Variants in DCC observed in about 807,000 individuals in gnomAD.
The protein encoded by DCC is netrin receptor DCC.
Under a neutral mutation model 172.5 loss-of-function variants are expected in DCC, and 58 were observed. The ratio of observed to expected loss-of-function variants is 0.34; its 90% CI spans 0.27 to 0.42. The LOEUF is 0.42. Among genes scored for constraint, DCC ranks in the 10% least tolerant of loss-of-function variants. DCC has a pLI of 1.00. For synonymous variants in DCC, 709 were observed against 644.5 expected, an observed-to-expected ratio of 1.10 and a Z score of -1.52; for missense variants, 1,740 against 1,791.0, an observed-to-expected ratio of 0.97 and a Z score of 0.51.
chr18:52,659,667 A>G (rs2035319434), intron 1 of DCC, among the ~76,000 whole-genome samples: 1 of 152,164 alleles, frequency 6.6e-6, no homozygotes, highest in South Asian at 2.1e-4. Flanking sequence ...ATTATGTTTC[A>G]CTTATGCTTT....
At chr18:52,584,226 G>T (rs1291875122) in intron 1 of DCC, among the ~76,000 whole-genome samples, 2 of 152,216 alleles carry the variant, frequency 1.3e-5, no homozygotes, top group East Asian at 1.9e-4. Flanking sequence ...GGACAAGGAA[G>T]AAGGAACGTG....
At chr18:52,763,812 A>C (rs566989876) in intron 2 of DCC, among the ~76,000 whole-genome samples, 5 of 152,278 alleles carry the variant, frequency 3.3e-5, no homozygotes, top group African/African-American at 1.2e-4. Flanking sequence ...AACATAAATG[A>C]GATTATCTGA....
chr18:53,090,788 A>G lies in DCC; in HGVS notation c.1261+24622A>G, dbSNP rs903776666. Among the ~76,000 whole-genome samples the G allele has an allele frequency of 2.0e-5, 3 of 149,622 alleles. No homozygotes were observed. The Admixed American group carries it at 2.0e-4, about 10-fold the overall frequency. On this transcript the variant is annotated intron_variant, in intron 7 of 28. Coordinates refer to ENST00000442544, the MANE Select transcript of DCC (RefSeq NM_005215.4). The stretch of plus-strand genomic sequence containing the variant: ...CTATCCTAAGCAGTTCAATTGAGTT[A>G]CAAAGCTTAATAATTTTTCAAAGTT...
chr18:52,916,014 C>G (rs1484840384), intron 3 of DCC, among the ~76,000 whole-genome samples: 1 of 151,556 alleles, frequency 6.6e-6, no homozygotes, highest in East Asian at 2.0e-4. Context: ...GAGTTTTTTA[C>G]CATGTTGGCT....
At chr18:53,062,932 C>A (rs530629381) in intron 5 of DCC, among the ~76,000 whole-genome samples, 20 of 152,236 alleles carry the variant, frequency 1.3e-4, no homozygotes, top group Middle Eastern at 3.4e-3. Context: ...CTCAGTTCCA[C>A]CAGCTTCCCT....
chr18:52,500,544 G>T (rs1198530958), intron 1 of DCC, among the ~76,000 whole-genome samples: 1 of 152,026 alleles, frequency 6.6e-6, no homozygotes, highest in African/African-American at 2.4e-5. Context: ...AATTATTTTG[G>T]CGCTAATAAG....
intron 5 of DCC, among the ~76,000 whole-genome samples, chr18:53,008,023 TA>T (rs1241851538): frequency 2.0e-5 from 3 of 152,154 alleles, no homozygotes; most frequent in African/African-American, 7.2e-5. Context: ...AGAGAGATTT[TA>T]CTATTCCAAG....
At chr18:52,906,820 G>T (rs2039890465) in intron 3 of DCC, among the ~76,000 whole-genome samples, 1 of 147,380 alleles carries the variant, frequency 6.8e-6, no homozygotes, top group Non-Finnish European at 1.5e-5. Context: ...TTAAAATTAG[G>T]CTGATCTTAT....
intron 2 of DCC, among the ~76,000 whole-genome samples, chr18:52,853,314 A>T (rs974484797): frequency 2.6e-5 from 4 of 152,218 alleles, no homozygotes; most frequent in Non-Finnish European, 5.9e-5. Flanking sequence ...AACCAAATAG[A>T]AGAAGTCGTA....
intron 5 of DCC, among the ~76,000 whole-genome samples, chr18:53,031,823 T>G (rs1489991454): frequency 6.6e-6 from 1 of 152,122 alleles, no homozygotes; most frequent in Admixed American, 6.6e-5. Flanking sequence ...TTTAATTATA[T>G]TGAAAATTAA....
intron 7 of DCC, among the ~76,000 whole-genome samples, chr18:53,091,378 T>A (rs1599122944): frequency 1.4e-5 from 2 of 147,466 alleles, no homozygotes; most frequent in Non-Finnish European, 3.0e-5. Flanking sequence ...TATATAAATA[T>A]ATATGTAAAT....
chr18:53,471,852 A>AT (rs1206286911), intron 25 of DCC, among the ~76,000 whole-genome samples: 1 of 151,098 alleles, frequency 6.6e-6, no homozygotes, highest in Non-Finnish European at 1.5e-5. Context: ...ATTATGCTTC[A>AT]TTTTTCTTTT....
chr18:52,508,874 C>T (rs1446852585), intron 1 of DCC, among the ~76,000 whole-genome samples: 1 of 152,212 alleles, frequency 6.6e-6, no homozygotes, highest in Non-Finnish European at 1.5e-5. Flanking sequence ...TGACAGAGTT[C>T]ACATGTTGCT....
chr18:52,716,723 G>A (rs1245738582), intron 1 of DCC, among the ~76,000 whole-genome samples: 1 of 152,164 alleles, frequency 6.6e-6, no homozygotes, highest in African/African-American at 2.4e-5. Context: ...AACTCCATGA[G>A]CCTCATAAAG....
At chr18:53,162,225 G>A (rs533411028) in intron 8 of DCC, among the ~76,000 whole-genome samples, 7 of 151,910 alleles carry the variant, frequency 4.6e-5, no homozygotes, top group African/African-American at 1.7e-4. Context: ...CGTGAACCTG[G>A]GAGGTGGAGA....
rs578235361 is a variant in DCC, at chr18:52,881,338, GA to G, written c.413-24704del. 1.1e-4 allele frequency among the ~76,000 whole-genome samples: 16 copies of G among 151,976 alleles called. No homozygotes were observed. In the East Asian group the frequency reaches 3.1e-3, roughly 30 times the overall value. ...CATGTTGACTGTTCTTTGCCAAGCA[GA>G]AGCTGTATAACTTGATGTGACCCAG... is the stretch of plus-strand genomic sequence containing the variant. On this transcript the variant is annotated intron_variant, in intron 2 of 28. Coordinates refer to ENST00000442544, the MANE Select transcript of DCC (RefSeq NM_005215.4).
chr18:52,939,339 C>T (rs1967861954), intron 5 of DCC, among the ~76,000 whole-genome samples: 2 of 152,174 alleles, frequency 1.3e-5, no homozygotes, highest in Admixed American at 6.5e-5. Context: ...AAGACCATCT[C>T]TCATAGTTAC....
intron 5 of DCC, among the ~76,000 whole-genome samples, chr18:53,019,495 C>T (rs998461476): frequency 6.6e-6 from 1 of 152,082 alleles, no homozygotes. Flanking sequence ...ACTTTTTATT[C>T]CCAGGATTTA....
At chr18:52,762,855 T>A (rs1442450346) in intron 2 of DCC, among the ~76,000 whole-genome samples, 4 of 152,174 alleles carry the variant, frequency 2.6e-5, no homozygotes, top group Non-Finnish European at 4.4e-5. Context: ...TGGGATATAG[T>A]TTGTGTGACA....
Sources: allele counts gnomAD v4.1 joint callset (sites outside exome capture counted in the v4.1 genomes callset), GRCh38; gene constraint gnomAD v4.1.1; transcripts MANE v1.5; gene names NCBI Gene and HGNC (gene_info 2026-07-23, HGNC 2026-07-21).